TRPC4: variants seen among roughly 807,000 people sequenced by gnomAD.
TRPC4 encodes the protein short transient receptor potential channel 4.
A neutral mutation model predicts 99.4 loss-of-function variants in TRPC4; 49 were observed. The ratio of observed to expected loss-of-function variants is 0.49; its 90% CI spans 0.39 to 0.63. TRPC4 has a LOEUF of 0.63. Among genes scored for constraint, TRPC4 ranks in the 20% least tolerant of loss-of-function variants. The pLI is 0.00. For missense variants in TRPC4, 898 were observed against 1,152.9 expected, an observed-to-expected ratio of 0.78 and a Z score of 3.20; for synonymous variants, 454 against 425.9, an observed-to-expected ratio of 1.07 and a Z score of -0.81.
rs1244388136 is a variant in TRPC4 at position 37,635,787 on chromosome 13, G to T, written c.*1116C>A. Among the ~76,000 whole-genome samples, 1 of 151,836 alleles carries T rather than the reference G, an allele frequency of 6.6e-6. No individual in the cohort carries two copies. The highest frequency in any genetic ancestry group is 1.5e-5 in the Non-Finnish European group (1 of 67,916). Reference sequence around the variant, plus strand: ...TAAATTACCTTGCAAACAATAGAAAGAAAAACAAGAAATAAGAATGTTTTT... The same window carrying T: ...TAAATTACCTTGCAAACAATAGAAATAAAAACAAGAAATAAGAATGTTTTT... On this transcript the variant is annotated 3_prime_UTR_variant, in exon 11 of 11. Transcript: ENST00000379705.
chr13:37,796,257 A>G (rs1473157841), intron 1 of TRPC4, among the ~76,000 whole-genome samples: 2 of 152,212 alleles, frequency 1.3e-5, no homozygotes. Flanking sequence ...AAAACTTACA[A>G]GGACTGTTCT....
chr13:37,847,474 T>G (rs2139663751), intron 1 of TRPC4, among the ~76,000 whole-genome samples: 1 of 151,948 alleles, frequency 6.6e-6, no homozygotes, highest in African/African-American at 2.4e-5. Context: ...AAAAGGAAAT[T>G]TAAAAATACC....
intron 3 of TRPC4, among the ~76,000 whole-genome samples, chr13:37,721,257 A>T (rs906721868): frequency 2.4e-4 from 36 of 152,262 alleles, no homozygotes; most frequent in South Asian, 1.7e-3. Context: ...AAAGTTAGCA[A>T]ATATAGTAGT....
At chr13:37,685,479 G>T (rs1953436169) in intron 4 of TRPC4, among the ~76,000 whole-genome samples, 1 of 152,114 alleles carries the variant, frequency 6.6e-6, no homozygotes, top group Admixed American at 6.5e-5. Context: ...TTACTGTGAA[G>T]TTCGAACAAA....
intron 2 of TRPC4, among the ~76,000 whole-genome samples, chr13:37,748,165 T>C (rs1350200319): frequency 1.3e-5 from 2 of 152,156 alleles, no homozygotes. Context: ...CAGTTAAGCA[T>C]TGGTAACTGA....
intron 2 of TRPC4, among the ~76,000 whole-genome samples, chr13:37,750,692 A>G (rs1042864138): frequency 1.3e-5 from 2 of 152,118 alleles, no homozygotes; most frequent in African/African-American, 4.8e-5. Flanking sequence ...GTACATGTGC[A>G]GAATGTGCAG....
Position 37,632,294 on chromosome 13 carries a change from A to G in TRPC4, c.*4609T>C, listed in dbSNP as rs1951412940. Among the ~76,000 whole-genome samples the G allele has an allele frequency of 6.6e-6, 1 of 152,242 alleles. No individual in the cohort carries two copies. Among genetic ancestry groups the G allele is most frequent in the South Asian group, 2.1e-4 (1 of 4,836 alleles). ...CCACATTGTAAAAGGAAAAAGAAACATCAAACTCATTTACTTAGTATATTT... is the reference window on the plus strand; with the variant it reads ...CCACATTGTAAAAGGAAAAAGAAACGTCAAACTCATTTACTTAGTATATTT... On this transcript the variant is annotated 3_prime_UTR_variant, in exon 11 of 11. Transcript: ENST00000379705.
chr13:37,686,272 G>A (rs1018417859), intron 4 of TRPC4, among the ~76,000 whole-genome samples: 8 of 151,268 alleles, frequency 5.3e-5, no homozygotes, highest in Admixed American at 5.2e-4. Context: ...ATATATATAC[G>A]CACACACACG....
rs1954283746 is a variant in TRPC4 at position 37,706,565 on chromosome 13, T to C, written c.898-14230A>G. On this transcript the variant is annotated intron_variant, in intron 3 of 10. Transcript: ENST00000379705. Reference sequence around the variant, plus strand: ...CATATGTATACATGTGCCATGTTGGTGTGCTGCACCCATTAACTCATCATT... The same window carrying C: ...CATATGTATACATGTGCCATGTTGGCGTGCTGCACCCATTAACTCATCATT... Among the ~76,000 whole-genome samples the C allele has an allele frequency of 1.3e-5, 2 of 152,084 alleles. 1 individual carries two copies. The highest frequency in any genetic ancestry group is 1.3e-4 in the Admixed American group (2 of 15,254).
At chr13:37,649,753 A>C (rs1465745617) in intron 8 of TRPC4, among the ~76,000 whole-genome samples, 3 of 135,918 alleles carry the variant, frequency 2.2e-5, no homozygotes, top group Non-Finnish European at 5.1e-5. Flanking sequence ...AAAAAAAAAA[A>C]AAAAAAACAA....
At chr13:37,707,193 T>C (rs1433546727) in intron 3 of TRPC4, among the ~76,000 whole-genome samples, 2 of 152,188 alleles carry the variant, frequency 1.3e-5, no homozygotes, top group Non-Finnish European at 2.9e-5. Flanking sequence ...TTAGTCTCTA[T>C]CGAGTATTAT....
intron 2 of TRPC4, among the ~76,000 whole-genome samples, chr13:37,764,486 G>A (rs1005786471): frequency 6.6e-6 from 1 of 151,018 alleles, no homozygotes; most frequent in Non-Finnish European, 1.5e-5. Context: ...TGTAGATGAT[G>A]TTTTGTTTTT....
At chr13:37,780,014 T>A (rs1337651738) in intron 2 of TRPC4, among the ~76,000 whole-genome samples, 1 of 152,038 alleles carries the variant, frequency 6.6e-6, no homozygotes, top group East Asian at 1.9e-4. Context: ...TACTTTTCTT[T>A]TCTGTATTCA....
intron 2 of TRPC4, among the ~76,000 whole-genome samples, chr13:37,754,177 T>A (rs886207833): frequency 1.3e-5 from 2 of 152,120 alleles, no homozygotes; most frequent in African/African-American, 4.8e-5. Context: ...CTTTTCACGC[T>A]TCGTTCTCAA....
intron 1 of TRPC4, among the ~76,000 whole-genome samples, chr13:37,844,869 G>C (rs1393762546): frequency 2.0e-5 from 3 of 152,108 alleles, no homozygotes; most frequent in Non-Finnish European, 4.4e-5. Context: ...CTGTGACCAA[G>C]CAGCAATCCT....
intron 1 of TRPC4, among the ~76,000 whole-genome samples, chr13:37,805,355 A>T (rs998550920): frequency 6.6e-6 from 1 of 151,996 alleles, no homozygotes; most frequent in Admixed American, 6.6e-5. Flanking sequence ...GTATGTCTTT[A>T]CTGCTGTTTC....
chr13:37,736,222 G>A (rs910692439), intron 3 of TRPC4, among the ~76,000 whole-genome samples: 8 of 152,134 alleles, frequency 5.3e-5, no homozygotes, highest in Admixed American at 4.6e-4. Flanking sequence ...GTCCCTAGGA[G>A]GGGGCTGGGG....
chr13:37,838,243 C>G (rs1206583827), intron 1 of TRPC4, among the ~76,000 whole-genome samples: 1 of 152,180 alleles, frequency 6.6e-6, no homozygotes, highest in Non-Finnish European at 1.5e-5. Context: ...TGATCTGAGC[C>G]AGCTGTTCTT....
chr13:37,866,457 C>T (rs1959752843), intron 1 of TRPC4, among the ~76,000 whole-genome samples: 1 of 138,840 alleles, frequency 7.2e-6, no homozygotes, highest in Admixed American at 7.2e-5. Flanking sequence ...AAATACAGCA[C>T]TTAATTTGCT....
Sources: gnomAD v4.1 joint callset for allele counts (sites outside exome capture counted in the v4.1 genomes callset) on GRCh38, gnomAD v4.1.1 for gene constraint, MANE v1.5 for transcripts, NCBI Gene and HGNC (gene_info 2026-07-23, HGNC 2026-07-21) for gene names.